The following RFX4 variants were observed in gnomAD, a reference collection of about 807,000 sequenced individuals.
RFX4 encodes the protein transcription factor RFX4.
RFX4 carries 10 observed loss-of-function variants against 95.0 expected under a neutral mutation model. That is an observed-to-expected ratio of 0.11 (90% CI 0.06 to 0.18). The LOEUF (loss-of-function observed/expected upper bound fraction) is 0.18. Ranked by LOEUF, RFX4 falls within the 10% of genes least tolerant of loss-of-function variation. The pLI is 1.00. For missense variants in RFX4, 640 were observed against 922.0 expected (o/e 0.69, Z 3.96); for synonymous variants, 321 against 340.7 (o/e 0.94, Z 0.64).
intron 2 of RFX4, among the ~76,000 whole-genome samples, chr12:106,626,467 G>A (rs2040302145): frequency 1.3e-5 from 2 of 152,140 alleles, no homozygotes; most frequent in African/African-American, 4.8e-5. Context: ...TGGGAAATAG[G>A]GCTAGGAATG....
chr12:106,641,343 T>C (rs2040617705), intron 3 of RFX4, among the ~76,000 whole-genome samples: 2 of 152,134 alleles, frequency 1.3e-5, no homozygotes, highest in South Asian at 4.1e-4. Context: ...ACCTGTAAAA[T>C]GGGGATAGCA....
intron 2 of RFX4, among the ~76,000 whole-genome samples, chr12:106,631,918 G>C (rs904516806): frequency 6.6e-6 from 1 of 152,212 alleles, no homozygotes; most frequent in African/African-American, 2.4e-5. Context: ...CTCTGGAGGA[G>C]CAATAACCAT....
intron 2 of RFX4, among the ~76,000 whole-genome samples, chr12:106,637,845 C>A (rs546823388): frequency 6.6e-6 from 1 of 152,114 alleles, no homozygotes; most frequent in South Asian, 2.1e-4. Context: ...TGTAGGGCTG[C>A]AAGTTAAAAA....
intron 17 of RFX4, among the ~76,000 whole-genome samples, chr12:106,754,551 C>T (rs967435704): frequency 6.6e-6 from 1 of 152,138 alleles, no homozygotes; most frequent in Non-Finnish European, 1.5e-5. Context: ...TCCTCATTCC[C>T]CCTCATGAAA....
intron 17 of RFX4, among the ~76,000 whole-genome samples, chr12:106,754,347 C>T (rs1374768003): frequency 6.6e-6 from 1 of 152,224 alleles, no homozygotes; most frequent in African/African-American, 2.4e-5. Context: ...ACTCCGCACA[C>T]TCCAAGCATC....
At chr12:106,587,498 C>T (rs992599574) in intron 1 of RFX4, among the ~76,000 whole-genome samples, 1 of 152,220 alleles carries the variant, frequency 6.6e-6, no homozygotes, top group Admixed American at 6.5e-5. Context: ...GCCTCCCCGC[C>T]GCTGTGTGAG....
At chr12:106,719,804 TGTTTTATAAA>T (rs1565993955) in intron 11 of RFX4, among the ~76,000 whole-genome samples, 146 bp from the exon 12 acceptor site, 1 of 152,236 alleles carries the variant, frequency 6.6e-6, no homozygotes, top group Non-Finnish European at 1.5e-5. Context: ...AGTTGGGGCA[TGTTTTATAAA>T]GTCTTGAATG....
At chr12:106,694,680 GTA>G (rs2041845327) in intron 7 of RFX4, among the ~76,000 whole-genome samples, 1 of 152,142 alleles carries the variant, frequency 6.6e-6, no homozygotes, top group Admixed American at 6.5e-5. Flanking sequence ...CTCAGCTATA[GTA>G]TTATGAGTAT....
chr12:106,717,336 A>G (rs1283263591), intron 11 of RFX4, among the ~76,000 whole-genome samples: 1 of 152,228 alleles, frequency 6.6e-6, no homozygotes, highest in Non-Finnish European at 1.5e-5. Context: ...AGCTCCTTTC[A>G]TGAGGGACGA....
intron 1 of RFX4, among the ~76,000 whole-genome samples, chr12:106,604,115 CT>C (rs1163891542): frequency 0.05 from 5,617 of 112,760 alleles, 138 homozygotes; most frequent in African/African-American, 0.14. Flanking sequence ...GCTTCTCTCT[CT>C]TTTTTTTTTT....
chr12:106,592,875 C>T lies in RFX4; in HGVS notation c.43+9512C>T, dbSNP rs1336772511. 2.0e-5 allele frequency among the ~76,000 whole-genome samples: 3 copies of T among 152,270 alleles called. No individual in the cohort carries two copies. In the East Asian group the frequency reaches 5.8e-4, roughly 29 times the overall value. On this transcript the variant is annotated intron_variant, in intron 1 of 17. Transcript: ENST00000392842. The stretch of plus-strand genomic sequence containing the variant: ...CTTTACACTTTGATGTTTACTAACA[C>T]TGCAGTTTTTGAGTTCTTGAAATGT...
chr12:106,707,014 A>G (rs537768473), intron 8 of RFX4, among the ~76,000 whole-genome samples: 1 of 152,292 alleles, frequency 6.6e-6, no homozygotes, highest in Admixed American at 6.5e-5. Flanking sequence ...CTAAGTTTTT[A>G]GGGGTTAAAT....
At chr12:106,620,750 A>G (rs2040168199) in intron 2 of RFX4, among the ~76,000 whole-genome samples, 1 of 152,080 alleles carries the variant, frequency 6.6e-6, no homozygotes, top group Non-Finnish European at 1.5e-5. Flanking sequence ...AGTAAACCTG[A>G]GGGTACTGCA....
rs151237204 is a variant in RFX4 at position 106,621,726 on chromosome 12, C to A, written c.130+12843C>A. On this transcript the variant is annotated intron_variant, in intron 2 of 17. Transcript: ENST00000392842. ...CCTTAGATATTAGCTACTCTGTCAT[C>A]CCCAAACTCTCCTTAGCTCAATAGA... 2.0e-5 allele frequency among the ~76,000 whole-genome samples: 3 copies of A among 152,306 alleles called. No homozygotes were observed. The East Asian group carries it at 5.8e-4, about 29-fold the overall frequency.
At chr12:106,674,484 C>T (rs894837860) in intron 4 of RFX4, among the ~76,000 whole-genome samples, 1 of 152,094 alleles carries the variant, frequency 6.6e-6, no homozygotes, top group Non-Finnish European at 1.5e-5. Context: ...GCATGCACCA[C>T]CACGCCAAAC....
intron 1 of RFX4, among the ~76,000 whole-genome samples, chr12:106,596,974 GCCTGATAAATTACAAACTTGTTTGTA>G (rs2039629359): frequency 2.0e-5 from 3 of 152,184 alleles, no homozygotes; most frequent in African/African-American, 7.2e-5. Flanking sequence ...ACTTGTTTGT[GCCTGATAAATTACAAACTTGTTTGTA>G]CCTGATAAAT....
chr12:106,627,866 G>A (rs1431762649), intron 2 of RFX4, among the ~76,000 whole-genome samples: 1 of 152,172 alleles, frequency 6.6e-6, no homozygotes, highest in Non-Finnish European at 1.5e-5. Context: ...TGAGATGTAG[G>A]CCAAATGCCC....
intron 1 of RFX4, among the ~76,000 whole-genome samples, chr12:106,607,427 A>G (rs1198270486): frequency 1.3e-5 from 2 of 152,190 alleles, no homozygotes; most frequent in African/African-American, 2.4e-5. Flanking sequence ...AGAGGTGGGT[A>G]TCAGAAGGGT....
rs746734020 is a variant in RFX4, at chr12:106,761,267, C to G, written c.2006C>G (p.Thr669Ser). Residue 669 changes from threonine (T) to serine (S), a missense_variant, in exon 18 of 18, where the codon ACC (threonine) becomes AGC (serine). Physicochemically the swap from Thr to Ser is moderately conservative, Grantham distance 58. This residue lies in a region of RFX4 where 300 missense variants were observed against 346.8 expected (regional missense o/e 0.87). Transcript: ENST00000392842. ...LMSSTPRLHP[T>S]PVTPRWPEVP... ...AGCAGTACTCCCAGACTGCATCCTA[C>G]CCCAGTCACTCCCCGCTGGCCAGAG... 3.1e-6 allele frequency: 5 copies of G among 1,614,136 alleles called. No homozygotes were observed. The highest frequency in any genetic ancestry group is 4.2e-6 in the Non-Finnish European group (5 of 1,180,014).
Sources: allele counts gnomAD v4.1 joint callset (sites outside exome capture counted in the v4.1 genomes callset), GRCh38; gene constraint gnomAD v4.1.1; regional missense constraint gnomAD v4.1.1; transcripts MANE v1.5; gene names NCBI Gene and HGNC (gene_info 2026-07-23, HGNC 2026-07-21).